Variants in PHB2 observed in about 807,000 individuals in gnomAD.
PHB2 encodes the protein prohibitin-2.
Under a neutral mutation model 46.4 loss-of-function variants are expected in PHB2, and 22 were observed. That is an observed-to-expected ratio of 0.47 (90% confidence interval 0.34 to 0.68). The LOEUF (loss-of-function observed/expected upper bound fraction) is 0.68, where lower values mean the gene tolerates loss of function less well. PHB2 is among the 30% of genes least tolerant of loss of function. The probability of loss-of-function intolerance (pLI) is 0.01; values close to 1 mark genes in which losing one functional copy is unlikely to be tolerated. For synonymous variants in PHB2, 156 were observed against 150.5 expected (o/e 1.04, Z -0.27); for missense variants, 305 against 382.8 (o/e 0.80, Z 1.70).
At position 6,968,608 on chromosome 12, in the gene PHB2, T is replaced by A. The variant is rs782429531; in HGVS notation, c.293-13A>T. On this transcript the variant is annotated splice_polypyrimidine_tract_variant and intron_variant, in intron 3 of 9. Coordinates refer to ENST00000535923, the MANE Select transcript of PHB2 (RefSeq NM_001144831.2). Reference sequence around the variant, plus strand: ...ACCATCTGTAGGTCTGAGATTGAGGTCAGCAGTGGCTGGTCAAGGCCAAAC... The same window carrying A: ...ACCATCTGTAGGTCTGAGATTGAGGACAGCAGTGGCTGGTCAAGGCCAAAC... 7.4e-6 allele frequency: 12 copies of A among 1,611,292 alleles called. No homozygotes were observed. Among genetic ancestry groups the A allele is most frequent in the Non-Finnish European group, 1.0e-5 (12 of 1,178,354 alleles).
rs782462818 is a variant in PHB2, at chr12:6,969,496, A to G, written c.292+2T>C. ...ATGTGATTACCAAGTGCTCAGACCT[A>G]CCTTTGGAGCCTGTAGGGGAGGAGA... On this transcript the variant is annotated splice_donor_variant, in intron 3 of 9. Coordinates refer to ENST00000535923, the MANE Select transcript of PHB2 (RefSeq NM_001144831.2). LOFTEE classifies it high-confidence loss of function. The G allele has an allele frequency of 5.1e-6, 8 of 1,573,212 alleles. No individual in the cohort carries two copies. The South Asian group carries it at 9.0e-5, about 18-fold the overall frequency.
chr12:6,967,572 C>A lies in PHB2; in HGVS notation c.711+104G>T, dbSNP rs377524763. On this transcript the variant is annotated intron_variant, in intron 6 of 9. Coordinates refer to ENST00000535923, the MANE Select transcript of PHB2 (RefSeq NM_001144831.2). The surrounding 1 kb of genome is among the most constrained non-coding windows in gnomAD (Gnocchi z 4.9). ...CAACAAGGAGCCAAGGGCCAGAGAG[C>A]ACGGAGTCGCATTCGCCTTAGTCTC... 16 of 1,008,580 alleles carry A rather than the reference C, an allele frequency of 1.6e-5. No homozygotes were observed. Among genetic ancestry groups the A allele is most frequent in the Non-Finnish European group, 2.4e-5 (15 of 635,532 alleles). 62.5% of individuals were successfully genotyped at this position (1,008,580 alleles called of 1,614,324 possible). A position where few individuals can be genotyped will look rare whatever the true frequency, so the allele number is the denominator to read the frequency against.
At chr12:6,970,079 G>T in intron 2 of PHB2, 117 bp downstream of exon 2, 1 of 815,228 alleles carries the variant, frequency 1.2e-6, no homozygotes, top group Non-Finnish European at 2.1e-6. Context: ...CTAGGGGCAG[G>T]GATGAGGAGG....
rs781913362 is a variant in PHB2 at position 6,966,006 on chromosome 12, C to G, written c.867-90G>C. ...CTTCAGGCCCCACTCAGCTTTGAAC[C>G]CTCCTTTGCTCCCAAGAGAAAAGAT... On this transcript the variant is annotated intron_variant, in intron 8 of 9. Transcript: ENST00000535923. 91 of 1,356,108 alleles carry G rather than the reference C, an allele frequency of 6.7e-5. 2 individuals carry two copies. In the South Asian group the frequency reaches 1.0e-3, roughly 15 times the overall value. 84.0% of individuals were successfully genotyped at this position (1,356,108 alleles called of 1,614,324 possible). A position where few individuals can be genotyped will look rare whatever the true frequency, so the allele number is the denominator to read the frequency against.
At chr12:6,969,692 G>C in intron 2 of PHB2, 115 bp from the exon 3 acceptor site, 1 of 640,542 alleles carries the variant, frequency 1.6e-6, no homozygotes, top group South Asian at 1.8e-5. Flanking sequence ...TTGAGGTCAG[G>C]AGTTCGAGAC....
At position 6,965,546 on chromosome 12, in the gene PHB2, A is replaced by G; in HGVS notation, c.*139T>C. ...AGTCTTCAGTCTTCCTTAATCCAAG[A>G]GGGGTTCAGGGAACCGGTGTGGGGG... is the stretch of plus-strand genomic sequence containing the variant. On this transcript the variant is annotated 3_prime_UTR_variant, in exon 10 of 10. Coordinates refer to ENST00000535923, the MANE Select transcript of PHB2 (RefSeq NM_001144831.2). The G allele has an allele frequency of 1.4e-6, 1 of 718,372 alleles. No individual in the cohort carries two copies. Among genetic ancestry groups the G allele is most frequent in the Non-Finnish European group, 2.5e-6 (1 of 396,254 alleles). The allele number at this position is 718,372 out of a possible 1,614,324, so 44.5% of individuals were successfully genotyped here. A position where few individuals can be genotyped will look rare whatever the true frequency, so the allele number is the denominator to read the frequency against.
At chr12:6,968,782 T>A in intron 3 of PHB2, 187 bp from the exon 4 acceptor site, 1 of 628,022 alleles carries the variant, frequency 1.6e-6, no homozygotes. Flanking sequence ...CCTCACCCAC[T>A]GTGAAGCCTT....
At position 6,970,581 on chromosome 12, in the gene PHB2, G is replaced by A; in HGVS notation, c.-38C>T. 3 of 1,550,014 alleles carry A rather than the reference G, an allele frequency of 1.9e-6. No homozygotes were observed. The highest frequency in any genetic ancestry group is 2.6e-6 in the Non-Finnish European group (3 of 1,153,814). On this transcript the variant is annotated 5_prime_UTR_variant, in exon 1 of 10. Coordinates refer to ENST00000535923, the MANE Select transcript of PHB2 (RefSeq NM_001144831.2). ...GGCCGGCGGCACTGGAGGTCAGAAG[G>A]GGGTGCCGGCCCGCCTCTACCCCGC...
At chr12:6,966,360 CCAAA>C (rs2138300155) in intron 8 of PHB2, 60 bp downstream of exon 8, 7 of 1,001,986 alleles carry the variant, frequency 7.0e-6, no homozygotes, top group Admixed American at 1.7e-5. Context: ...GCTCCAGAGC[CCAAA>C]CAACCAGACT....
chr12:6,965,478 G>A lies in PHB2; in HGVS notation c.*207C>T, dbSNP rs782255950. On this transcript the variant is annotated 3_prime_UTR_variant, in exon 10 of 10. Coordinates refer to ENST00000535923, the MANE Select transcript of PHB2 (RefSeq NM_001144831.2). ...TCACGCACTGTCCCCAACAGCCCCA[G>A]TTAACACAGGGAGGAGGAAAGTAAT... 10 of 618,288 alleles carry A rather than the reference G, an allele frequency of 1.6e-5. No homozygotes were observed. Among genetic ancestry groups the A allele is most frequent in the Non-Finnish European group, 2.9e-5 (10 of 344,876 alleles). The allele number at this position is 618,288 out of a possible 1,614,324, so 38.3% of individuals were successfully genotyped here. A position where few individuals can be genotyped will look rare whatever the true frequency, so the allele number is the denominator to read the frequency against.
chr12:6,969,633 C>G, intron 2 of PHB2, 56 bp from the exon 3 acceptor site: 1 of 993,548 alleles, frequency 1.0e-6, no homozygotes, highest in South Asian at 1.4e-5. Flanking sequence ...GGCGCGGTGG[C>G]TCACGCCTGT....
intron 2 of PHB2, 178 bp downstream of exon 2, chr12:6,970,018 T>A (rs782096254): frequency 2.8e-6 from 2 of 705,740 alleles, no homozygotes; most frequent in African/African-American, 3.5e-5. Context: ...CTTGTCCCTC[T>A]GGAAAACAAC....
rs1565589896 is a variant in PHB2 at position 6,967,576 on chromosome 12, GAGTCGCATTCGCCTT to G, written c.711+85_711+99del. 2.9e-6 allele frequency: 3 copies of G among 1,025,644 alleles called. No homozygotes were observed. The highest frequency in any genetic ancestry group is 4.6e-6 in the Non-Finnish European group (3 of 650,376). The allele number at this position is 1,025,644 out of a possible 1,614,324, so 63.5% of individuals were successfully genotyped here. A position where few individuals can be genotyped will look rare whatever the true frequency, so the allele number is the denominator to read the frequency against. ...AAGGAGCCAAGGGCCAGAGAGCACG[GAGTCGCATTCGCCTT>G]AGTCTCATCAGCCTGCCCATGAAGG... On this transcript the variant is annotated intron_variant, in intron 6 of 9. Transcript: ENST00000535923. This position sits in a 1 kb window ranked among gnomAD's most constrained non-coding sequence, Gnocchi z 4.9.
chr12:6,966,571 A>G (rs1471109656), intron 7 of PHB2, 71 bp from the exon 8 acceptor site: 25 of 940,036 alleles, frequency 2.7e-5, no homozygotes, highest in Non-Finnish European at 2.8e-5. Flanking sequence ...GCAATTCAGC[A>G]GCTACTTAAC....
At chr12:6,969,999 A>C in intron 2 of PHB2, 197 bp downstream of exon 2, 1 of 700,798 alleles carries the variant, frequency 1.4e-6, no homozygotes. Flanking sequence ...ACAGACAAGG[A>C]GAGATTCTCT....
In PHB2 at chr12:6,967,989, C is replaced by T. The variant is rs1946244508; in HGVS notation, c.510G>A (p.Glu170=). ...GGATGAGGCTGAAGTCCTTGGCCCT[C>T]TCTGTCAGCTCCCGGCGGATCAACA... ...VSLLIRRELT[E]RAKDFSLILD... is the part of the protein sequence containing the mutation. Residue 170 remains glutamate, a synonymous_variant, in exon 5 of 10, where the codon GAG becomes GAA. Transcript: ENST00000535923. The surrounding 1 kb of genome is among the most constrained non-coding windows in gnomAD (Gnocchi z 4.9). 4 of 1,611,168 alleles carry T rather than the reference C, an allele frequency of 2.5e-6. No individual in the cohort carries two copies. In the East Asian group the frequency reaches 8.9e-5, roughly 36 times the overall value.
rs782320223 is a variant in PHB2 at position 6,968,631 on chromosome 12, A to G, written c.293-36T>C. On this transcript the variant is annotated intron_variant, in intron 3 of 9. Coordinates refer to ENST00000535923, the MANE Select transcript of PHB2 (RefSeq NM_001144831.2). ...GGTCAGCAGTGGCTGGTCAAGGCCA[A>G]ACACCCTTTCCCAAGCATTTTCTCC... 9.2e-5 allele frequency: 144 copies of G among 1,560,764 alleles called. 3 individuals carry two copies. In the South Asian group the frequency reaches 1.6e-3, roughly 17 times the overall value.
At chr12:6,969,598 T>C (rs1555151604) in intron 2 of PHB2, 21 bp from the exon 3 acceptor site, 3 of 1,477,274 alleles carry the variant, frequency 2.0e-6, no homozygotes, top group Middle Eastern at 1.7e-4. Context: ...CAGGGATAGG[T>C]ATTAAGAGGC....
chr12:6,969,347 C>A (rs1946276550), intron 3 of PHB2, 151 bp downstream of exon 3: 1 of 493,630 alleles, frequency 2.0e-6, no homozygotes. Flanking sequence ...GAATTTGCTG[C>A]TTTGACCCCA....
Sources: allele counts gnomAD v4.1 joint callset, GRCh38; gene constraint gnomAD v4.1.1; non-coding constraint Gnocchi (gnomAD v3.1); transcripts MANE v1.5; gene names NCBI Gene and HGNC (gene_info 2026-07-23, HGNC 2026-07-21).